PAG1: variants seen among roughly 807,000 people sequenced by gnomAD.
PAG1 encodes phosphoprotein membrane anchor with glycosphingolipid microdomains 1.
Under a neutral mutation model 31.7 loss-of-function variants are expected in PAG1, and 23 were observed. The ratio of observed to expected loss-of-function variants is 0.73; its 90% CI spans 0.52 to 1.03. The LOEUF (loss-of-function observed/expected upper bound fraction) is 1.03, where lower values mean the gene tolerates loss of function less well. PAG1 is among the 50% of genes least tolerant of loss of function. The probability of loss-of-function intolerance (pLI) is 0.00; values close to 1 mark genes in which losing one functional copy is unlikely to be tolerated. For missense variants in PAG1, 473 were observed against 540.7 expected, an observed-to-expected ratio of 0.87 and a Z score of 1.24; for synonymous variants, 214 against 210.3, an observed-to-expected ratio of 1.02 and a Z score of -0.15.
chr8:81,102,239 T>C (rs1234047925), intron 1 of PAG1, among the ~76,000 whole-genome samples: 1 of 152,174 alleles, frequency 6.6e-6, no homozygotes, highest in Non-Finnish European at 1.5e-5. Flanking sequence ...TTCAACTACA[T>C]TGGACTAAGG....
intron 1 of PAG1, among the ~76,000 whole-genome samples, chr8:81,101,707 A>G (rs1451208502): frequency 6.6e-6 from 1 of 152,186 alleles, no homozygotes; most frequent in Non-Finnish European, 1.5e-5. Flanking sequence ...ATCCACTAAC[A>G]GAAAGAACAT....
chr8:81,086,277 G>A (rs896112908), intron 1 of PAG1, among the ~76,000 whole-genome samples: 2 of 151,776 alleles, frequency 1.3e-5, no homozygotes, highest in African/African-American at 2.4e-5. Flanking sequence ...CACCGCGCCC[G>A]GCCAATCTGG....
intron 2 of PAG1, among the ~76,000 whole-genome samples, chr8:81,050,879 T>C (rs115769348): frequency 0.012 from 1,757 of 152,318 alleles, 38 homozygotes; most frequent in African/African-American, 0.04. Flanking sequence ...ACAAACTCAC[T>C]GCCTTCAGCC....
chr8:81,061,785 A>G (rs1808921553), intron 2 of PAG1, among the ~76,000 whole-genome samples: 3 of 152,192 alleles, frequency 2.0e-5, no homozygotes, highest in African/African-American at 7.2e-5. Flanking sequence ...AGAGTGTCTT[A>G]TGGGGTTTCC....
chr8:81,021,841 G>A (rs141943856), intron 3 of PAG1, among the ~76,000 whole-genome samples: 164 of 152,268 alleles, frequency 1.1e-3, no homozygotes, highest in African/African-American at 3.8e-3. Flanking sequence ...GTAGAGTAGT[G>A]TGAGAATTTA....
chr8:80,989,207 G>C (rs1400184889), intron 5 of PAG1, among the ~76,000 whole-genome samples: 2 of 152,184 alleles, frequency 1.3e-5, no homozygotes, highest in Non-Finnish European at 2.9e-5. Context: ...ATTCACGTCT[G>C]ATGAGCCCCC....
At position 80,993,165 on chromosome 8, in the gene PAG1, C is replaced by T. The variant is rs775251283; in HGVS notation, c.63G>A (p.Leu21=). Residue 21 remains leucine (L), a synonymous_variant, in exon 4 of 9, where the codon CTG becomes CTA. Transcript: ENST00000220597. The stretch of plus-strand genomic sequence containing the variant: ...TGACGAAGAAAATGGCGACAGCAGC[C>T]AGACTTCCCCACAGGGTGATCTGCA... ...GQMQITLWGS[L]AAVAIFFVIT... 6.2e-7 allele frequency: 1 copy of T among 1,613,828 alleles called. No individual in the cohort carries two copies. Among genetic ancestry groups the T allele is most frequent in the Non-Finnish European group, 8.5e-7 (1 of 1,179,926 alleles).
At chr8:80,980,292 G>T (rs931462597) in intron 8 of PAG1, 143 bp downstream of exon 8, 2 of 592,804 alleles carry the variant, frequency 3.4e-6, no homozygotes, top group Admixed American at 3.1e-5. Flanking sequence ...TATAAAACCA[G>T]CATCCCAAGT....
intron 5 of PAG1, among the ~76,000 whole-genome samples, chr8:80,989,041 G>GA (rs1807483839): frequency 6.6e-6 from 1 of 152,208 alleles, no homozygotes; most frequent in Non-Finnish European, 1.5e-5. Context: ...ATTCTACAAG[G>GA]AAAGTTGTGA....
At chr8:80,992,540 G>T (rs1160841090) in intron 4 of PAG1, among the ~76,000 whole-genome samples, 3 of 152,100 alleles carry the variant, frequency 2.0e-5, no homozygotes, top group Non-Finnish European at 2.9e-5. Context: ...TCTTGTTGGG[G>T]GTACTGACAT....
intron 8 of PAG1, 90 bp downstream of exon 8, chr8:80,980,345 T>C: frequency 1.3e-6 from 1 of 752,258 alleles, no homozygotes; most frequent in Admixed American, 2.1e-5. Flanking sequence ...TTCAGCTCTT[T>C]CAAAGGGTAA....
intron 3 of PAG1, among the ~76,000 whole-genome samples, chr8:81,002,552 C>G (rs530091056): frequency 4.3e-4 from 66 of 152,298 alleles, no homozygotes; most frequent in African/African-American, 1.4e-3. Context: ...AACACCAGTT[C>G]ACTGTGAGCT....
intron 2 of PAG1, among the ~76,000 whole-genome samples, chr8:81,050,837 C>G (rs1457274571): frequency 1.3e-5 from 2 of 152,180 alleles, no homozygotes; most frequent in African/African-American, 4.8e-5. Context: ...CTGGCAGAAG[C>G]CAGTAGAACA....
chr8:81,091,732 T>A (rs1451188955), intron 1 of PAG1, among the ~76,000 whole-genome samples: 2 of 152,026 alleles, frequency 1.3e-5, no homozygotes, highest in Non-Finnish European at 2.9e-5. Flanking sequence ...ACTTGGTAAA[T>A]GCTAAACTCC....
chr8:81,111,643 T>A lies in PAG1; in HGVS notation c.-286A>T, dbSNP rs1302734756. ...TGGCGGACGGCGCTCGGAGGCAGCC[T>A]CTGCAAACTCCGGCGCGCAGCGCCG... On this transcript the variant is annotated 5_prime_UTR_variant, in exon 1 of 9. Transcript: ENST00000220597. 2 of 152,374 alleles carry A rather than the reference T, an allele frequency of 1.3e-5. No individual in the cohort carries two copies. The highest frequency in any genetic ancestry group is 2.9e-5 in the Non-Finnish European group (2 of 68,182). 9.4% of individuals were successfully genotyped at this position (152,374 alleles called of 1,614,324 possible). A position where few individuals can be genotyped will look rare whatever the true frequency, so the allele number is the denominator to read the frequency against.
intron 2 of PAG1, among the ~76,000 whole-genome samples, chr8:81,030,905 GAACA>G (rs889072533): frequency 2.0e-5 from 3 of 152,200 alleles, no homozygotes; most frequent in African/African-American, 7.2e-5. Context: ...ATGAACGAAC[GAACA>G]AACGGATGAA....
In PAG1 at chr8:81,020,362, A is replaced by G. The variant is rs546131055; in HGVS notation, c.-81+9634T>C. Among the ~76,000 whole-genome samples the G allele has an allele frequency of 1.6e-4, 25 of 152,190 alleles. No homozygotes were observed. In the East Asian group the frequency reaches 4.3e-3, roughly 26 times the overall value. ...TATGGTTTGGCTATGTCCCCACCCAAATCTCATCTTAAATTGTAGCTCCCA... is the reference window on the plus strand; with the variant it reads ...TATGGTTTGGCTATGTCCCCACCCAGATCTCATCTTAAATTGTAGCTCCCA... On this transcript the variant is annotated intron_variant, in intron 3 of 8. Transcript: ENST00000220597.
intron 3 of PAG1, among the ~76,000 whole-genome samples, chr8:81,006,206 G>C (rs1381539142): frequency 2.0e-5 from 3 of 151,906 alleles, no homozygotes; most frequent in African/African-American, 7.3e-5. Context: ...GCCTCCCAAA[G>C]TGCTGGGATT....
chr8:81,056,091 G>A (rs1808818255), intron 2 of PAG1, among the ~76,000 whole-genome samples: 1 of 152,062 alleles, frequency 6.6e-6, no homozygotes, highest in Admixed American at 6.6e-5. Flanking sequence ...ATTGGCTGTG[G>A]GTTTGTCATA....
Sources: gnomAD v4.1 joint callset for allele counts (sites outside exome capture counted in the v4.1 genomes callset) on GRCh38, gnomAD v4.1.1 for gene constraint, MANE v1.5 for transcripts, NCBI Gene and HGNC (gene_info 2026-07-23, HGNC 2026-07-21) for gene names.